The following ASH2L variants were observed in gnomAD, a reference collection of about 807,000 sequenced individuals.
ASH2L encodes set1/Ash2 histone methyltransferase complex subunit ASH2.
A neutral mutation model predicts 81.1 loss-of-function variants in ASH2L; 30 were observed. The observed-to-expected ratio is 0.37, with a 90% CI of 0.28 to 0.50. ASH2L has a LOEUF of 0.50. ASH2L is among the 20% of genes least tolerant of loss of function. ASH2L has a pLI of 0.95. For synonymous variants in ASH2L, 273 were observed against 279.9 expected (o/e 0.98, Z 0.24); for missense variants, 559 against 792.1 (o/e 0.71, Z 3.53).
At chr8:38,106,016 C>T in intron 1 of ASH2L, 3 of 1,530,444 alleles carry the variant, frequency 2.0e-6, no homozygotes, top group South Asian at 1.2e-5. Context: ...AACGGGAGGC[C>T]TTCACATATT....
At chr8:38,115,045 C>CACTA (rs774159259) in intron 7 of ASH2L, 45 bp downstream of exon 7, 1 of 1,241,174 alleles carries the variant, frequency 8.1e-7, no homozygotes, top group South Asian at 1.2e-5. Flanking sequence ...TTAAGCCACT[C>CACTA]GGGGATAGGT....
chr8:38,128,979 C>T (rs970558597), intron 12 of ASH2L, 28 bp downstream of exon 12: 7 of 1,600,232 alleles, frequency 4.4e-6, no homozygotes, highest in Middle Eastern at 1.7e-4. Flanking sequence ...CGGCAGATTC[C>T]TGGCTTTGAA....
intron 3 of ASH2L, among the ~76,000 whole-genome samples, chr8:38,109,682 G>A (rs1810602439): frequency 6.6e-6 from 1 of 152,040 alleles, no homozygotes; most frequent in Admixed American, 6.6e-5. Flanking sequence ...GGTGATCCAT[G>A]CGCCTTGGCC....
At chr8:38,105,879 GC>G in intron 1 of ASH2L, 141 bp downstream of exon 1, 1 of 1,441,798 alleles carries the variant, frequency 6.9e-7, no homozygotes, top group Non-Finnish European at 9.1e-7. Flanking sequence ...GCGCCGCTTG[GC>G]CCGTCCCCTC....
intron 10 of ASH2L, among the ~76,000 whole-genome samples, 194 bp downstream of exon 10, chr8:38,121,343 A>ATATATATATT (rs1811140109): frequency 2.8e-5 from 1 of 35,248 alleles, no homozygotes; most frequent in Non-Finnish European, 6.8e-5. Flanking sequence ...TTATATATAT[A>ATATATATATT]TATATATATA....
At chr8:38,106,799 C>T (rs534966061) in intron 2 of ASH2L, among the ~76,000 whole-genome samples, 29 of 151,266 alleles carry the variant, frequency 1.9e-4, no homozygotes, top group African/African-American at 7.0e-4. Context: ...GCGTGAGCCA[C>T]CGCGCCCGGC....
rs1323530348 is a variant in ASH2L at position 38,128,439 on chromosome 8, G to C, written c.1314G>C (p.Leu438=). ...DEMPPDTAAR[L]GWSQPLGNLQ... is the part of the protein sequence containing the mutation. ...TGCCACCAGATACCGCTGCCAGACTGGGTTGGTCCCAGCCCCTAGGTAAGC... is the reference window on the plus strand; with the variant it reads ...TGCCACCAGATACCGCTGCCAGACTCGGTTGGTCCCAGCCCCTAGGTAAGC... Residue 438 remains leucine, a synonymous_variant, in exon 11 of 16, where the codon CTG becomes CTC. Coordinates refer to ENST00000343823, the MANE Select transcript of ASH2L (RefSeq NM_004674.5). The C allele has an allele frequency of 1.2e-6, 2 of 1,614,076 alleles. No individual in the cohort carries two copies. Among genetic ancestry groups the C allele is most frequent in the East Asian group, 2.2e-5 (1 of 44,876 alleles).
chr8:38,135,865 C>A, intron 14 of ASH2L, 99 bp downstream of exon 14: 1 of 861,878 alleles, frequency 1.2e-6, no homozygotes, highest in Non-Finnish European at 1.8e-6. Flanking sequence ...ATCCAAGCAG[C>A]CTCAGAGTGG....
chr8:38,130,491 T>TA (rs143925292), intron 12 of ASH2L, among the ~76,000 whole-genome samples: 4 of 151,618 alleles, frequency 2.6e-5, no homozygotes, highest in Non-Finnish European at 2.9e-5. Context: ...TCCATGAATT[T>TA]AAAAAAAAAT....
Position 38,139,353 on chromosome 8 carries a change from A to G in ASH2L, c.*282A>G, listed in dbSNP as rs577253236. ...TCGGTGCTGTACTGCATACCCTGCC[A>G]GCTGTGACTTGTTATCCTACTATAT... On this transcript the variant is annotated 3_prime_UTR_variant, in exon 16 of 16. Coordinates refer to ENST00000343823, the MANE Select transcript of ASH2L (RefSeq NM_004674.5). The G allele has an allele frequency of 6.8e-6, 2 of 295,228 alleles. No individual in the cohort carries two copies. The highest frequency in any genetic ancestry group is 1.3e-4 in the South Asian group (1 of 7,446). 18.3% of individuals were successfully genotyped at this position (295,228 alleles called of 1,614,324 possible).
chr8:38,108,991 A>G, intron 3 of ASH2L, among the ~76,000 whole-genome samples: 1 of 152,096 alleles, frequency 6.6e-6, no homozygotes, highest in Non-Finnish European at 1.5e-5. Context: ...TTTAGGTGGG[A>G]GGATTGCTTA....
At chr8:38,125,663 A>G (rs1046105233) in intron 10 of ASH2L, among the ~76,000 whole-genome samples, 4 of 152,092 alleles carry the variant, frequency 2.6e-5, no homozygotes, top group Admixed American at 2.0e-4. Flanking sequence ...ATTCCTTGCT[A>G]TCATCCAAAT....
At chr8:38,105,805 C>T (rs1810395926) in intron 1 of ASH2L, 67 bp downstream of exon 1, 12 of 1,484,054 alleles carry the variant, frequency 8.1e-6, no homozygotes, top group Non-Finnish European at 1.1e-5. Flanking sequence ...CCCGCGGCTC[C>T]TGGAGCCCTG....
At chr8:38,135,290 A>T (rs539964987) in intron 13 of ASH2L, among the ~76,000 whole-genome samples, 1 of 152,098 alleles carries the variant, frequency 6.6e-6, no homozygotes, top group Admixed American at 6.6e-5. Flanking sequence ...CTATAAAAAA[A>T]TTTTAAAAAT....
At chr8:38,127,939 G>A (rs765172986) in intron 10 of ASH2L, among the ~76,000 whole-genome samples, 5 of 149,316 alleles carry the variant, frequency 3.3e-5, no homozygotes, top group African/African-American at 9.9e-5. Flanking sequence ...CCAGCTACTC[G>A]GGAGGCTGAG....
intron 1 of ASH2L, chr8:38,106,078 C>G (rs1401335869): frequency 8.5e-6 from 13 of 1,524,422 alleles, no homozygotes; most frequent in African/African-American, 2.7e-5. Flanking sequence ...AACGGTCACT[C>G]TGAAAACAGG....
chr8:38,138,677 T>C, intron 14 of ASH2L, 139 bp from the exon 15 acceptor site: 1 of 654,114 alleles, frequency 1.5e-6, no homozygotes, highest in Non-Finnish European at 2.7e-6. Flanking sequence ...TTAGTAATAT[T>C]TAATATATAT....
intron 7 of ASH2L, 63 bp from the exon 8 acceptor site, chr8:38,116,587 T>C: frequency 7.8e-7 from 1 of 1,286,602 alleles, no homozygotes; most frequent in Non-Finnish European, 1.1e-6. Flanking sequence ...TTCTCTTGTT[T>C]TATGAGCATC....
intron 8 of ASH2L, chr8:38,117,403 T>C: frequency 1.0e-6 from 1 of 977,552 alleles, no homozygotes; most frequent in Non-Finnish European, 1.2e-6. Context: ...TTTTCCCGTT[T>C]TAATTGTTAA....
Sources: allele counts gnomAD v4.1 joint callset (sites outside exome capture counted in the v4.1 genomes callset), GRCh38; gene constraint gnomAD v4.1.1; transcripts MANE v1.5; gene names NCBI Gene and HGNC (gene_info 2026-07-23, HGNC 2026-07-21).